The following PTPRF variants were observed in gnomAD, a reference collection of about 807,000 sequenced individuals.
PTPRF encodes protein tyrosine phosphatase receptor type F.
A neutral mutation model predicts 201.8 loss-of-function variants in PTPRF; 59 were observed. That is an observed-to-expected ratio of 0.29 (90% CI 0.24 to 0.36). The LOEUF is 0.36. Among genes scored for constraint, PTPRF ranks in the 10% least tolerant of loss-of-function variants. The pLI is 1.00. For missense variants in PTPRF, 2,132 were observed against 2,690.5 expected, an observed-to-expected ratio of 0.79 and a Z score of 4.59; for synonymous variants, 1,088 against 1,089.7, an observed-to-expected ratio of 1.00 and a Z score of 0.03.
chr1:43,565,635 C>G (rs1007697869), intron 5 of PTPRF, among the ~76,000 whole-genome samples: 1 of 152,104 alleles, frequency 6.6e-6, no homozygotes, highest in South Asian at 2.1e-4. Flanking sequence ...CAGACGCCCC[C>G]GGCGCTGAGG....
At position 43,603,640 on chromosome 1, in the gene PTPRF, A is replaced by G. The variant is rs781719563; in HGVS notation, c.2488A>G (p.Thr830Ala). The change falls in exon 16 of 34, where the codon ACC becomes GCC. Residue 830 changes from threonine (T) to alanine (A), a missense_variant. Transcript: ENST00000359947. This position sits in a 1 kb window ranked among gnomAD's most constrained non-coding sequence, Gnocchi z 5.8. ...VPGRPTMMIS[T>A]TAMNTALLQW... ...AGGCCGGCCCACCATGATGATCAGC[A>G]CCACGGCCATGAACACTGCGCTGCT... 2 of 1,613,270 alleles carry G rather than the reference A, an allele frequency of 1.2e-6. No individual in the cohort carries two copies. Among genetic ancestry groups the G allele is most frequent in the Admixed American group, 1.7e-5 (1 of 59,988 alleles).
chr1:43,586,620 A>T (rs1487370929), intron 7 of PTPRF, among the ~76,000 whole-genome samples: 1 of 152,218 alleles, frequency 6.6e-6, no homozygotes, highest in Admixed American at 6.5e-5. Context: ...AAGCAAAACA[A>T]GGAAGTCCTG....
chr1:43,595,542 G>A (rs912395341), intron 11 of PTPRF, among the ~76,000 whole-genome samples: 2 of 152,134 alleles, frequency 1.3e-5, no homozygotes, highest in Admixed American at 1.3e-4. Context: ...TTTAAGATGG[G>A]AAAATTTCAA....
At chr1:43,620,642 C>T (rs1658996699) in intron 31 of PTPRF, 63 bp downstream of exon 31, 21 of 1,584,592 alleles carry the variant, frequency 1.3e-5, no homozygotes, top group Non-Finnish European at 1.8e-5. Context: ...GGATGGCTGC[C>T]TGCATGGTAC....
chr1:43,616,560 G>C (rs1469070261), intron 23 of PTPRF, among the ~76,000 whole-genome samples: 1 of 151,924 alleles, frequency 6.6e-6, no homozygotes, highest in African/African-American at 2.4e-5. Context: ...CCAGAACCTG[G>C]TGACTGGCAG....
chr1:43,618,446 G>A (rs28736630), intron 25 of PTPRF, among the ~76,000 whole-genome samples, 184 bp from the exon 26 acceptor site: 3,158 of 152,226 alleles, frequency 0.021, 120 homozygotes, highest in African/African-American at 0.072. Flanking sequence ...AGGGCAGGGC[G>A]GTGACATAGC....
chr1:43,619,093 G>A lies in PTPRF; in HGVS notation c.4537G>A (p.Ala1513Thr). The change falls in exon 27 of 34, where the codon GCC becomes ACC. Residue 1513 changes from alanine to threonine, a missense_variant. Transcript: ENST00000359947. ...KRELRQFQFM[A>T]WPDHGVPEYP... ...CGAGCTGCGTCAGTTTCAGTTCATGGCCTGGCCAGACCATGGAGTTCCTGA... is the reference window on the plus strand; with the variant it reads ...CGAGCTGCGTCAGTTTCAGTTCATGACCTGGCCAGACCATGGAGTTCCTGA... The A allele has an allele frequency of 6.2e-7, 1 of 1,613,780 alleles. No individual in the cohort carries two copies. The highest frequency in any genetic ancestry group is 8.5e-7 in the Non-Finnish European group (1 of 1,179,724).
intron 21 of PTPRF, among the ~76,000 whole-genome samples, chr1:43,609,021 A>T (rs371800983): frequency 2.8e-4 from 42 of 151,786 alleles, no homozygotes; most frequent in African/African-American, 8.7e-4. Flanking sequence ...TGTCATTTGC[A>T]TGTTTGTTCC....
Position 43,606,449 on chromosome 1 carries a change from C to G in PTPRF, c.3693C>G (p.Pro1231=). 6.2e-7 allele frequency: 1 copy of G among 1,613,356 alleles called. No homozygotes were observed. The highest frequency in any genetic ancestry group is 1.7e-4 in the Middle Eastern group (1 of 6,056). The change falls in exon 20 of 34, where the codon CCC becomes CCG. Residue 1231 remains proline, a synonymous_variant. Coordinates refer to ENST00000359947, the MANE Select transcript of PTPRF (RefSeq NM_002840.5). ...QCFVLASLKE[P]MDQKRYASSP... ...TTGTGCTTGCCTCCTTGAAGGAACC[C>G]ATGGACCAGGTCTGCCTGAGCCGGC...
intron 23 of PTPRF, among the ~76,000 whole-genome samples, chr1:43,615,551 CTTTTTTTTT>C (rs68193223): frequency 7.1e-5 from 6 of 84,162 alleles, no homozygotes; most frequent in Non-Finnish European, 1.3e-4. Context: ...GCTCTGTTGT[CTTTTTTTTT>C]TTTTTTTTTT....
chr1:43,533,784 G>A (rs1226432746), intron 1 of PTPRF, among the ~76,000 whole-genome samples: 1 of 152,152 alleles, frequency 6.6e-6, no homozygotes, highest in Non-Finnish European at 1.5e-5. Flanking sequence ...GAAGCTCGTG[G>A]TCCTTGGGGG....
At chr1:43,573,880 C>T (rs749349799) in intron 6 of PTPRF, among the ~76,000 whole-genome samples, 34 of 149,346 alleles carry the variant, frequency 2.3e-4, no homozygotes, top group Admixed American at 6.7e-5. Context: ...CAAGTCCTGG[C>T]GTGGATGACA....
At chr1:43,552,256 C>T (rs1240170388) in intron 3 of PTPRF, among the ~76,000 whole-genome samples, 1 of 152,156 alleles carries the variant, frequency 6.6e-6, no homozygotes. Flanking sequence ...CCCCACCCAC[C>T]ACTCCACTGA....
At position 43,617,527 on chromosome 1, in the gene PTPRF, T is replaced by C. The variant is rs1658163221; in HGVS notation, c.4154T>C (p.Ile1385Thr). The change falls in exon 24 of 34, where the codon ATC becomes ACC. Residue 1385 changes from isoleucine (I) to threonine (T), a missense_variant. Around this residue, in one of 6 missense-constraint regions of PTPRF, gnomAD observed 818 missense variants for 915.3 expected, o/e 0.89. Transcript: ENST00000359947. ...NKPKNRYANV[I>T]AYDHSRVILT... ...CCCAAGAACCGCTATGCGAATGTCA[T>C]CGCCTACGACCACTCTCGAGTCATC... is the stretch of plus-strand genomic sequence containing the variant. The C allele has an allele frequency of 6.2e-7, 1 of 1,613,976 alleles. No individual in the cohort carries two copies. Among genetic ancestry groups the C allele is most frequent in the African/African-American group, 1.3e-5 (1 of 74,888 alleles).
rs77064373 is a variant in PTPRF at position 43,542,691 on chromosome 1, C to T, written c.-45-2340C>T. Reference sequence around the variant, plus strand: ...ATGGGGAGTTGCACCCCTGTAATGTCCTTATCAGGCAGCTGCACTCCATGA... The same window carrying T: ...ATGGGGAGTTGCACCCCTGTAATGTTCTTATCAGGCAGCTGCACTCCATGA... On this transcript the variant is annotated intron_variant, in intron 2 of 33. Transcript: ENST00000359947. This position sits in a 1 kb window ranked among gnomAD's most constrained non-coding sequence, Gnocchi z 5.2. Among the ~76,000 whole-genome samples the T allele has an allele frequency of 4.7e-3, 711 of 152,206 alleles. 27 individuals are homozygous for T. In the East Asian group the frequency reaches 0.097, roughly 21 times the overall value.
chr1:43,581,586 G>A (rs1647641125), intron 7 of PTPRF, among the ~76,000 whole-genome samples: 1 of 152,322 alleles, frequency 6.6e-6, no homozygotes, highest in South Asian at 2.1e-4. Context: ...TCATCTCATG[G>A]TTGGCAAAAC....
rs577132005 is a variant in PTPRF at position 43,621,103 on chromosome 1, C to A, written c.5526C>A (p.Gly1842=). Residue 1842 remains glycine, a synonymous_variant, in exon 33 of 34, where the codon GGC becomes GGA. Transcript: ENST00000359947. The part of the protein sequence containing the change: ...DGPITVHCSA[G]VGRTGVFITL... ...CAACTGTGTTTCTGAGCAGTGCTGGCGTGGGCCGCACCGGGGTGTTCATCA... is the reference window on the plus strand; with the variant it reads ...CAACTGTGTTTCTGAGCAGTGCTGGAGTGGGCCGCACCGGGGTGTTCATCA... 3.1e-6 allele frequency: 5 copies of A among 1,614,060 alleles called. No individual in the cohort carries two copies. In the South Asian group the frequency reaches 3.3e-5, roughly 11 times the overall value.
chr1:43,569,700 C>G lies in PTPRF; in HGVS notation c.490C>G (p.Pro164Ala). ...ATGTGCCGCAGGCGGAAATCCAGAC[C>G]CTGAGATTTCTTGGTTCAAGGACTT... ...MLCAAGGNPD[P>A]EISWFKDFLP... Residue 164 changes from proline to alanine, a missense_variant, in exon 6 of 34, where the codon CCT (proline) becomes GCT (alanine). Around this residue, in one of 6 missense-constraint regions of PTPRF, gnomAD observed 297 missense variants for 454.0 expected, o/e 0.65. Transcript: ENST00000359947. 6.2e-7 allele frequency: 1 copy of G among 1,614,064 alleles called. No individual in the cohort carries two copies. The highest frequency in any genetic ancestry group is 8.5e-7 in the Non-Finnish European group (1 of 1,179,956).
At chr1:43,530,880 A>AGCGGCGGGAGCGGTGGCG (rs1643377873), upstream of PTPRF, 1 of 151,138 alleles carries the variant, frequency 6.6e-6, no homozygotes, top group Non-Finnish European at 1.5e-5. The surrounding 1 kb of genome is among the most constrained non-coding windows in gnomAD (Gnocchi z 4.1). Context: ...CTGGCGCGGG[A>AGCGGCGGGAGCGGTGGCG]GCGGCGGGAG....
Sources: gnomAD v4.1 joint callset for allele counts (sites outside exome capture counted in the v4.1 genomes callset) on GRCh38, gnomAD v4.1.1 for gene constraint, gnomAD v4.1.1 regional missense constraint, Gnocchi (gnomAD v3.1) non-coding constraint, MANE v1.5 for transcripts, NCBI Gene and HGNC (gene_info 2026-07-23, HGNC 2026-07-21) for gene names.